The following GPC6 variants were observed in gnomAD, a reference collection of about 807,000 sequenced individuals.
GPC6 encodes glypican 6.
In GPC6, 14 loss-of-function variants were observed where a neutral mutation model predicts 55.2. The ratio of observed to expected loss-of-function variants is 0.25; its 90% CI spans 0.17 to 0.40. The LOEUF (loss-of-function observed/expected upper bound fraction) is 0.40. Ranked by LOEUF, GPC6 falls within the 10% of genes least tolerant of loss-of-function variation. The pLI, the probability that GPC6 is intolerant of heterozygous loss-of-function variation, is 1.00. For missense variants in GPC6, 641 were observed against 708.5 expected (o/e 0.90, Z 1.08); for synonymous variants, 278 against 259.6 (o/e 1.07, Z -0.68).
rs7999855 is a variant in GPC6, at chr13:93,994,917, C to T, written c.712-32812C>T. Among the ~76,000 whole-genome samples, 629 of 152,184 alleles carry T rather than the reference C, an allele frequency of 4.1e-3. 5 individuals are homozygous for T. The highest frequency in any genetic ancestry group is 0.015 in the African/African-American group (606 of 41,540). On this transcript the variant is annotated intron_variant, in intron 3 of 8. Coordinates refer to ENST00000377047, the MANE Select transcript of GPC6 (RefSeq NM_005708.5). ...ATTCATAGTCTGTGCCCAGGCAAAC[C>T]TTATGTTTTAGTGGTTCTGTAGGGT... is the stretch of plus-strand genomic sequence containing the variant.
rs148225066 is a variant in GPC6, at chr13:93,665,809, A to G, written c.319+120388A>G. 1.3e-3 allele frequency among the ~76,000 whole-genome samples: 195 copies of G among 152,286 alleles called. 1 individual carries two copies. The highest frequency in any genetic ancestry group is 4.5e-3 in the African/African-American group (185 of 41,558). ...TTGTCATGTATGTAATTCAGAAACA[A>G]AAGAGTGAAGTTAACTTCATCCTGT... On this transcript the variant is annotated intron_variant, in intron 2 of 8. Transcript: ENST00000377047.
At chr13:94,340,026 G>A (rs1235759165) in intron 6 of GPC6, among the ~76,000 whole-genome samples, 1 of 151,956 alleles carries the variant, frequency 6.6e-6, no homozygotes, top group Admixed American at 6.6e-5. Context: ...CCCTCCCAAA[G>A]TGCTGGGATT....
At chr13:93,418,483 ATGC>A (rs1876790154) in intron 1 of GPC6, among the ~76,000 whole-genome samples, 2 of 151,446 alleles carry the variant, frequency 1.3e-5, no homozygotes, top group African/African-American at 4.8e-5. Context: ...TAATAGCAGT[ATGC>A]TGTAGTGTTA....
chr13:93,301,635 G>A (rs181465585), intron 1 of GPC6, among the ~76,000 whole-genome samples: 1 of 152,320 alleles, frequency 6.6e-6, no homozygotes, highest in East Asian at 1.9e-4. Flanking sequence ...ATTTTGGCAG[G>A]TATTTGAACA....
At chr13:94,067,620 T>C (rs370020922) in intron 4 of GPC6, among the ~76,000 whole-genome samples, 3,248 of 120,898 alleles carry the variant, frequency 0.027, 86 homozygotes, top group African/African-American at 0.073. Context: ...GATAGATAGA[T>C]AGACAGACAG....
chr13:93,227,385 T>C lies in GPC6; in HGVS notation c.-72T>C. 1.3e-6 allele frequency: 2 copies of C among 1,522,370 alleles called. No individual in the cohort carries two copies. Among genetic ancestry groups the C allele is most frequent in the Non-Finnish European group, 1.8e-6 (2 of 1,109,034 alleles). The allele number at this position is 1,522,370 out of a possible 1,614,324, so 94.3% of individuals were successfully genotyped here. On this transcript the variant is annotated 5_prime_UTR_variant, in exon 1 of 9. Coordinates refer to ENST00000377047, the MANE Select transcript of GPC6 (RefSeq NM_005708.5). The surrounding 1 kb of genome is among the most constrained non-coding windows in gnomAD (Gnocchi z 4.3). ...GAGCGCGCCGCTGCCTCTGGCGGGC[T>C]TTCGGCTTGAGGGGCAAGGTGAAGA...
At chr13:94,333,825 A>G (rs949522107) in intron 6 of GPC6, among the ~76,000 whole-genome samples, 2 of 152,168 alleles carry the variant, frequency 1.3e-5, no homozygotes, top group African/African-American at 2.4e-5. Context: ...GGAGCATGCA[A>G]TGAAGATAGC....
chr13:93,339,476 C>T (rs931684017), intron 1 of GPC6, among the ~76,000 whole-genome samples: 2 of 151,798 alleles, frequency 1.3e-5, no homozygotes, highest in African/African-American at 4.8e-5. Context: ...TCAGCACTGA[C>T]TTTATTTCTT....
chr13:93,893,536 C>T (rs1168135526), intron 3 of GPC6, among the ~76,000 whole-genome samples: 1 of 152,136 alleles, frequency 6.6e-6, no homozygotes, highest in Non-Finnish European at 1.5e-5. Flanking sequence ...TGCCAGCCAA[C>T]AAGGATGTTA....
chr13:93,220,216 G>A, the GPC6 span, among the ~76,000 whole-genome samples: 2 of 152,236 alleles, frequency 1.3e-5, no homozygotes, highest in South Asian at 2.1e-4. Flanking sequence ...ATCATGTGAA[G>A]AGCTATTCCC....
chr13:94,274,045 C>G (rs1892125989), intron 4 of GPC6, among the ~76,000 whole-genome samples: 1 of 152,082 alleles, frequency 6.6e-6, no homozygotes, highest in Non-Finnish European at 1.5e-5. Context: ...CTAAACATCT[C>G]AAAGATATAA....
chr13:93,464,613 C>T (rs536396804), intron 1 of GPC6, among the ~76,000 whole-genome samples: 2 of 152,302 alleles, frequency 1.3e-5, no homozygotes, highest in African/African-American at 4.8e-5. Context: ...AGTTTTCTTG[C>T]TCTTTATACC....
At position 93,227,897 on chromosome 13, in the gene GPC6, C is replaced by T. The variant is rs1371700650; in HGVS notation, c.160+281C>T. Among the ~76,000 whole-genome samples, 2 of 152,152 alleles carry T rather than the reference C, an allele frequency of 1.3e-5. No homozygotes were observed. The highest frequency in any genetic ancestry group is 4.8e-5 in the African/African-American group (2 of 41,460). On this transcript the variant is annotated intron_variant, in intron 1 of 8. Transcript: ENST00000377047. The surrounding 1 kb of genome is among the most constrained non-coding windows in gnomAD (Gnocchi z 4.3). ...CCCTTCTACCCCTTAGTTGATGGCT[C>T]AGGCCCGGCTGGCCAGGGAGCCCGG...
At chr13:93,681,707 C>T (rs1881851498) in intron 2 of GPC6, among the ~76,000 whole-genome samples, 1 of 152,096 alleles carries the variant, frequency 6.6e-6, no homozygotes, top group Non-Finnish European at 1.5e-5. Context: ...ATTTAAAATA[C>T]ATTTTATAAT....
intron 2 of GPC6, among the ~76,000 whole-genome samples, chr13:93,653,689 A>G (rs1880527841): frequency 6.6e-6 from 1 of 151,946 alleles, no homozygotes; most frequent in African/African-American, 2.4e-5. Context: ...AGATTAAGGA[A>G]GTTAAAGTTT....
intron 1 of GPC6, among the ~76,000 whole-genome samples, chr13:93,252,191 T>C (rs1876809023): frequency 6.6e-6 from 1 of 152,194 alleles, no homozygotes; most frequent in Admixed American, 6.5e-5. Context: ...GAAATGCAGG[T>C]GCTGGTGTTC....
In GPC6 at chr13:94,405,837, T is replaced by C. The variant is rs1881344897; in HGVS notation, c.*2620T>C. ...GTCAAAATATCATTCAAGTTGTACT[T>C]CCTAGTTTTTATCATCATACTACTA... On this transcript the variant is annotated 3_prime_UTR_variant, in exon 9 of 9. Coordinates refer to ENST00000377047, the MANE Select transcript of GPC6 (RefSeq NM_005708.5). 6.6e-6 allele frequency: 1 copy of C among 152,158 alleles called. No individual in the cohort carries two copies. The highest frequency in any genetic ancestry group is 1.5e-5 in the Non-Finnish European group (1 of 68,016). The allele number at this position is 152,158 out of a possible 1,614,324, so 9.4% of individuals were successfully genotyped here.
chr13:93,247,213 T>C (rs1440594547), intron 1 of GPC6, among the ~76,000 whole-genome samples: 1 of 152,180 alleles, frequency 6.6e-6, no homozygotes, highest in Non-Finnish European at 1.5e-5. Flanking sequence ...CGCTTTTAGA[T>C]ACCTACAAGC....
intron 2 of GPC6, among the ~76,000 whole-genome samples, chr13:93,775,799 C>T (rs907915881): frequency 1.3e-5 from 2 of 149,380 alleles, no homozygotes; most frequent in Non-Finnish European, 2.9e-5. Context: ...CAGAAGTTGG[C>T]GAATGTCGTC....
Sources: allele counts gnomAD v4.1 joint callset (sites outside exome capture counted in the v4.1 genomes callset), GRCh38; gene constraint gnomAD v4.1.1; non-coding constraint Gnocchi (gnomAD v3.1); transcripts MANE v1.5; gene names NCBI Gene and HGNC (gene_info 2026-07-23, HGNC 2026-07-21).